Variants in VWA8 observed in about 807,000 individuals in gnomAD.
VWA8 encodes the protein von Willebrand factor A domain containing 8.
VWA8 carries 221 observed loss-of-function variants against 241.5 expected under a neutral mutation model. That is an observed-to-expected ratio of 0.91 (90% CI 0.82 to 1.02). The LOEUF (loss-of-function observed/expected upper bound fraction) is 1.02, where lower values mean the gene tolerates loss of function less well. Among genes scored for constraint, VWA8 ranks in the 50% least tolerant of loss-of-function variants. VWA8 has a pLI of 0.00. For missense variants in VWA8, 2,322 were observed against 2,328.7 expected (o/e 1.00, Z 0.06); for synonymous variants, 852 against 827.1 (o/e 1.03, Z -0.52).
At chr13:41,749,203 C>A (rs1463022715) in intron 21 of VWA8, among the ~76,000 whole-genome samples, 1 of 152,142 alleles carries the variant, frequency 6.6e-6, no homozygotes, top group Non-Finnish European at 1.5e-5. Flanking sequence ...AGGATATGAA[C>A]AGACACTTCT....
rs556835568 is a variant in VWA8, at chr13:41,916,083, C to T, written c.242-3915G>A. Reference sequence around the variant, plus strand: ...TAACCTTAATCAAGTTATTTAACCTCTCTGCTCAGTTTCCTCATCTGTATA... The same window carrying T: ...TAACCTTAATCAAGTTATTTAACCTTTCTGCTCAGTTTCCTCATCTGTATA... On this transcript the variant is annotated intron_variant, in intron 2 of 44. Coordinates refer to ENST00000379310, the MANE Select transcript of VWA8 (RefSeq NM_015058.2). Among the ~76,000 whole-genome samples the T allele has an allele frequency of 1.4e-3, 214 of 152,318 alleles. 1 individual carries two copies. The highest frequency in any genetic ancestry group is 5.0e-3 in the African/African-American group (207 of 41,570).
At chr13:41,627,088 A>G (rs948827219) in intron 37 of VWA8, among the ~76,000 whole-genome samples, 1 of 152,152 alleles carries the variant, frequency 6.6e-6, no homozygotes, top group African/African-American at 2.4e-5. Context: ...AAAAACAAAC[A>G]ACCCATTAAA....
intron 42 of VWA8, among the ~76,000 whole-genome samples, chr13:41,584,073 T>C (rs2139642748): frequency 6.6e-6 from 1 of 152,218 alleles, no homozygotes; most frequent in South Asian, 2.1e-4. Context: ...CTGTAAATAT[T>C]TGGAGAGAAA....
intron 12 of VWA8, among the ~76,000 whole-genome samples, chr13:41,857,336 T>C (rs549236700): frequency 6.6e-5 from 10 of 152,306 alleles, no homozygotes; most frequent in African/African-American, 2.4e-4. Context: ...ATTAGCTAGG[T>C]ATAAATTTGA....
intron 35 of VWA8, among the ~76,000 whole-genome samples, chr13:41,676,000 C>T (rs1207180029): frequency 6.6e-6 from 1 of 151,984 alleles, no homozygotes; most frequent in Non-Finnish European, 1.5e-5. Context: ...AAAAGACAAT[C>T]CTGAATGCCA....
intron 9 of VWA8, among the ~76,000 whole-genome samples, chr13:41,881,852 G>A: frequency 6.9e-6 from 1 of 145,416 alleles, no homozygotes; most frequent in Admixed American, 6.7e-5. Flanking sequence ...GGCCGGGCGG[G>A]GGGCTGACCC....
chr13:41,597,760 C>T (rs1395501702), intron 40 of VWA8, among the ~76,000 whole-genome samples: 1 of 151,958 alleles, frequency 6.6e-6, no homozygotes, highest in Non-Finnish European at 1.5e-5. Context: ...CTGGATTCCA[C>T]CCTAGAAAAC....
chr13:41,677,778 TCATCCATC>T (rs200806052), intron 35 of VWA8, among the ~76,000 whole-genome samples: 34 of 151,934 alleles, frequency 2.2e-4, no homozygotes, highest in Middle Eastern at 3.4e-3. Context: ...ATTTATCTAT[TCATCCATC>T]CATCCATCCA....
At chr13:41,759,065 T>G (rs1189815040) in intron 21 of VWA8, among the ~76,000 whole-genome samples, 1 of 151,666 alleles carries the variant, frequency 6.6e-6, no homozygotes, top group Non-Finnish European at 1.5e-5. Flanking sequence ...TTTGTTAACA[T>G]TTGTTAAAAA....
At chr13:41,894,636 A>G (rs1020758200) in intron 4 of VWA8, among the ~76,000 whole-genome samples, 38 of 152,340 alleles carry the variant, frequency 2.5e-4, no homozygotes, top group Middle Eastern at 3.4e-3. Flanking sequence ...TATGAGAAAC[A>G]GGTATTTGTA....
At chr13:41,894,535 A>C (rs117560966) in intron 4 of VWA8, among the ~76,000 whole-genome samples, 1,958 of 152,364 alleles carry the variant, frequency 0.013, 22 homozygotes, top group Middle Eastern at 0.048. Context: ...GAATGATAGA[A>C]ATAGAAAATG....
chr13:41,866,925 T>C (rs989712549), intron 10 of VWA8, among the ~76,000 whole-genome samples: 4 of 152,174 alleles, frequency 2.6e-5, no homozygotes, highest in African/African-American at 9.7e-5. Context: ...TCCCCTTTTA[T>C]TATTTATCCT....
intron 26 of VWA8, among the ~76,000 whole-genome samples, chr13:41,714,640 T>A (rs1226391436): frequency 1.3e-5 from 2 of 151,998 alleles, no homozygotes; most frequent in African/African-American, 4.8e-5. Context: ...TCTAAGTGAA[T>A]CACCTTGTGT....
intron 5 of VWA8, among the ~76,000 whole-genome samples, chr13:41,889,560 G>A (rs1237936154): frequency 6.6e-6 from 1 of 151,962 alleles, no homozygotes; most frequent in Non-Finnish European, 1.5e-5. Flanking sequence ...TGTATTTTTA[G>A]TAGAAACGAG....
At chr13:41,798,846 G>C (rs79610867) in intron 17 of VWA8, among the ~76,000 whole-genome samples, 2,874 of 152,016 alleles carry the variant, frequency 0.019, 95 homozygotes, top group African/African-American at 0.064. Context: ...TCACTTTGCT[G>C]TGCTGCATCC....
At chr13:41,671,253 T>A in intron 36 of VWA8, 106 bp from the exon 37 acceptor site, 2 of 1,224,704 alleles carry the variant, frequency 1.6e-6, no homozygotes, top group Non-Finnish European at 2.3e-6. Context: ...ATGCTCACAC[T>A]ACTCATTATT....
chr13:41,569,559 G>A (rs893944174), intron 44 of VWA8, among the ~76,000 whole-genome samples: 7 of 152,036 alleles, frequency 4.6e-5, no homozygotes, highest in African/African-American at 1.7e-4. Context: ...TAGCATTTTG[G>A]ATATTAAAAC....
At chr13:41,926,366 G>T in intron 2 of VWA8, 1 of 558,454 alleles carries the variant, frequency 1.8e-6, no homozygotes, top group South Asian at 1.5e-5. Flanking sequence ...GAAGTTTCTT[G>T]GATGAACTGG....
intron 29 of VWA8, among the ~76,000 whole-genome samples, chr13:41,693,813 A>G (rs920269461): frequency 2.2e-4 from 34 of 152,096 alleles, no homozygotes; most frequent in African/African-American, 8.0e-4. Context: ...TTTAGTTAAA[A>G]TATAAAGAAT....
Sources: gnomAD v4.1 joint callset for allele counts (sites outside exome capture counted in the v4.1 genomes callset) on GRCh38, gnomAD v4.1.1 for gene constraint, MANE v1.5 for transcripts, NCBI Gene and HGNC (gene_info 2026-07-23, HGNC 2026-07-21) for gene names.